FLT4: variants seen among roughly 807,000 people sequenced by gnomAD.
The protein encoded by FLT4 is vascular endothelial growth factor receptor 3.
A neutral mutation model predicts 163.2 loss-of-function variants in FLT4; 30 were observed. The observed-to-expected ratio is 0.18, with a 90% CI of 0.14 to 0.25. FLT4 has a LOEUF of 0.25. Ranked by LOEUF, FLT4 falls within the 10% of genes least tolerant of loss-of-function variation. FLT4 has a pLI of 1.00. For missense variants in FLT4, 1,510 were observed against 1,863.8 expected (o/e 0.81, Z 3.50); for synonymous variants, 884 against 789.5 (o/e 1.12, Z -2.01).
At chr5:180,628,001 G>A (rs1421261219) in intron 8 of FLT4, among the ~76,000 whole-genome samples, 1 of 152,178 alleles carries the variant, frequency 6.6e-6, no homozygotes, top group Non-Finnish European at 1.5e-5. Context: ...GCCAGTGCAA[G>A]GGGCCCTGGC....
intron 26 of FLT4, 109 bp downstream of exon 26, chr5:180,612,397 G>C: frequency 1.2e-6 from 1 of 813,186 alleles, no homozygotes; most frequent in South Asian, 1.3e-5. Context: ...CCCTAGCCTA[G>C]CAGCTGAGAG....
chr5:180,607,033 G>A (rs377673966), intron 29 of FLT4, among the ~76,000 whole-genome samples: 24 of 152,186 alleles, frequency 1.6e-4, no homozygotes, highest in South Asian at 8.3e-4. Flanking sequence ...AGCCGAGATC[G>A]CACCACTGCA....
In FLT4 at chr5:180,637,571, C is replaced by T. The variant is rs553222411; in HGVS notation, c.59-5793G>A. Among the ~76,000 whole-genome samples, 8 of 152,222 alleles carry T rather than the reference C, an allele frequency of 5.3e-5. 1 individual carries two copies. In the South Asian group the frequency reaches 1.4e-3, roughly 28 times the overall value. On this transcript the variant is annotated intron_variant, in intron 1 of 29. Coordinates refer to ENST00000261937, the MANE Select transcript of FLT4 (RefSeq NM_182925.5). ...TGTTTTGAGATGGAGTTTAGCTCGT[C>T]GCCCAGGCTGCAGTGCAGTGGCGTG...
chr5:180,643,953 T>C (rs547330461), intron 1 of FLT4, among the ~76,000 whole-genome samples: 3 of 152,076 alleles, frequency 2.0e-5, no homozygotes, highest in African/African-American at 4.8e-5. Context: ...TCCCGAGTAG[T>C]TGGGATTACA....
chr5:180,631,575 C>A, intron 2 of FLT4, 107 bp downstream of exon 2: 1 of 919,444 alleles, frequency 1.1e-6, no homozygotes, highest in East Asian at 2.4e-5. Context: ...GCCACTCTGC[C>A]CTGACTCTGC....
At chr5:180,628,221 A>G (rs1398597811) in intron 8 of FLT4, among the ~76,000 whole-genome samples, 3 of 152,230 alleles carry the variant, frequency 2.0e-5, no homozygotes, top group African/African-American at 2.4e-5. Flanking sequence ...ACTGTGGGTG[A>G]GCCATGTGGA....
At chr5:180,637,330 GAAAA>G (rs375090031) in intron 1 of FLT4, among the ~76,000 whole-genome samples, 1 of 118,810 alleles carries the variant, frequency 8.4e-6, no homozygotes. Context: ...TCCGTCTCAG[GAAAA>G]AAAAAAAAAA....
At chr5:180,612,774 C>T (rs538250746) in intron 25 of FLT4, among the ~76,000 whole-genome samples, 163 bp from the exon 26 acceptor site, 5 of 152,186 alleles carry the variant, frequency 3.3e-5, no homozygotes, top group African/African-American at 7.2e-5. Context: ...GTTAGCCCAG[C>T]GTCCCCTCCT....
Position 180,613,109 on chromosome 5 carries a change from C to T in FLT4, c.3333G>A (p.Gly1111=). 6.2e-7 allele frequency: 1 copy of T among 1,612,112 alleles called. No homozygotes were observed. The highest frequency in any genetic ancestry group is 8.5e-7 in the Non-Finnish European group (1 of 1,178,876). Residue 1111 remains glycine, a splice_region_variant and synonymous_variant, in exon 25 of 30, where the codon GGG becomes GGA. Coordinates refer to ENST00000261937, the MANE Select transcript of FLT4 (RefSeq NM_182925.5). ...GVLLWEIFSL[G]ASPYPGVQIN... Reference sequence around the variant, plus strand: ...TCTGCACCCCAGGGTACGGGGAGGCCCCTGACAACAGGAAGGGGAGGTGGG... The same window carrying T: ...TCTGCACCCCAGGGTACGGGGAGGCTCCTGACAACAGGAAGGGGAGGTGGG...
At chr5:180,606,806 C>T (rs1052983724) in intron 29 of FLT4, among the ~76,000 whole-genome samples, 4 of 152,024 alleles carry the variant, frequency 2.6e-5, no homozygotes, top group Non-Finnish European at 5.9e-5. Flanking sequence ...TACCTGTAAT[C>T]CCAGCACCCT....
intron 8 of FLT4, among the ~76,000 whole-genome samples, chr5:180,627,340 G>A (rs912208294): frequency 6.6e-6 from 1 of 152,170 alleles, no homozygotes; most frequent in Non-Finnish European, 1.5e-5. Flanking sequence ...GCAGAGTGAG[G>A]CAGGGCAGGG....
chr5:180,602,384 G>A lies in FLT4; in HGVS notation c.*808C>T, dbSNP rs559245198. 5.9e-5 allele frequency: 21 copies of A among 356,176 alleles called. No individual in the cohort carries two copies. The South Asian group carries it at 3.0e-3, about 51-fold the overall frequency. The allele number at this position is 356,176 out of a possible 1,614,324, so 22.1% of individuals were successfully genotyped here. A position where few individuals can be genotyped will look rare whatever the true frequency, so the allele number is the denominator to read the frequency against. On this transcript the variant is annotated 3_prime_UTR_variant, in exon 30 of 30. Coordinates refer to ENST00000261937, the MANE Select transcript of FLT4 (RefSeq NM_182925.5). ...TCCAGAGGCACTGACTGCTCTGCTG[G>A]CCTTGACCTGGGGCGGGGGTCAGAG...
chr5:180,630,453 C>T lies in FLT4; in HGVS notation c.400+102G>A. 6.3e-7 allele frequency: 1 copy of T among 1,575,160 alleles called. No homozygotes were observed. Among genetic ancestry groups the T allele is most frequent in the Non-Finnish European group, 8.6e-7 (1 of 1,156,964 alleles). ...AGCCACCCGCTGGAGCAGGTAGGGC[C>T]CCGTTCTCTCCTCCTGCCAGCCCAG... On this transcript the variant is annotated intron_variant, in intron 3 of 29. Transcript: ENST00000261937. This position sits in a 1 kb window ranked among gnomAD's most constrained non-coding sequence, Gnocchi z 6.3.
At chr5:180,619,212 G>T (rs1762919574) in intron 19 of FLT4, 41 bp downstream of exon 19, 1 of 1,483,152 alleles carries the variant, frequency 6.7e-7, no homozygotes, top group South Asian at 1.3e-5. Context: ...GGCGCCCCGC[G>T]CCCGGGGTCT....
At position 180,612,689 on chromosome 5, in the gene FLT4, GC is replaced by G. The variant is rs997873010; in HGVS notation, c.3432-79del. ...ACCTTCAGTGCCCCAGCCTTCCTGG[GC>G]CCTCTCACCCACTCTGCCCTCCTCC... On this transcript the variant is annotated intron_variant, in intron 25 of 29. Coordinates refer to ENST00000261937, the MANE Select transcript of FLT4 (RefSeq NM_182925.5). 98 of 1,044,582 alleles carry G rather than the reference GC, an allele frequency of 9.4e-5. 1 individual carries two copies. Among genetic ancestry groups the G allele is most frequent in the Non-Finnish European group, 1.6e-5 (11 of 667,166 alleles). 64.7% of individuals were successfully genotyped at this position (1,044,582 alleles called of 1,614,324 possible). A position where few individuals can be genotyped will look rare whatever the true frequency, so the allele number is the denominator to read the frequency against.
intron 23 of FLT4, among the ~76,000 whole-genome samples, chr5:180,615,431 C>T (rs112518207): frequency 0.013 from 168 of 13,230 alleles, 1 homozygote; most frequent in Middle Eastern, 0.056. Flanking sequence ...CACTTCCTTT[C>T]GGAGCACTGG....
intron 24 of FLT4, 69 bp downstream of exon 24, chr5:180,613,999 G>C (rs1306891023): frequency 9.4e-7 from 1 of 1,058,588 alleles, no homozygotes; most frequent in Admixed American, 1.7e-5. Flanking sequence ...ACTCCAGCAG[G>C]GGCGGTCATG....
At chr5:180,645,780 C>G (rs1213306584) in intron 1 of FLT4, among the ~76,000 whole-genome samples, 4 of 152,186 alleles carry the variant, frequency 2.6e-5, no homozygotes, top group Admixed American at 2.0e-4. Context: ...ACCGGAAAAC[C>G]CAGATTCCAG....
intron 1 of FLT4, among the ~76,000 whole-genome samples, chr5:180,634,530 GTC>G (rs1764406097): frequency 6.6e-6 from 1 of 151,510 alleles, no homozygotes; most frequent in African/African-American, 2.4e-5. Flanking sequence ...GTGAAATCCC[GTC>G]TCTACTAAAA....
Sources: gnomAD v4.1 joint callset for allele counts (sites outside exome capture counted in the v4.1 genomes callset) on GRCh38, gnomAD v4.1.1 for gene constraint, Gnocchi (gnomAD v3.1) non-coding constraint, MANE v1.5 for transcripts, NCBI Gene and HGNC (gene_info 2026-07-23, HGNC 2026-07-21) for gene names.